Variants in IL1RAPL2 observed in about 807,000 individuals in gnomAD.
IL1RAPL2 encodes the protein X-linked interleukin-1 receptor accessory protein-like 2.
IL1RAPL2 carries 3 observed loss-of-function variants against 44.1 expected under a neutral mutation model. The observed-to-expected ratio is 0.07, with a 90% CI of 0.03 to 0.18. The LOEUF (loss-of-function observed/expected upper bound fraction) is 0.18, where lower values mean the gene tolerates loss of function less well. IL1RAPL2 is among the 10% of genes least tolerant of loss of function. The probability of loss-of-function intolerance (pLI) is 1.00; values close to 1 mark genes in which losing one functional copy is unlikely to be tolerated. For synonymous variants in IL1RAPL2, 181 were observed against 178.8 expected (o/e 1.01, Z -0.10); for missense variants, 391 against 496.4 (o/e 0.79, Z 2.02).
At chrX:105,659,647 ACT>A (rs994719136) in intron 6 of IL1RAPL2, among the ~76,000 whole-genome samples, 5 of 107,861 alleles carry the variant, frequency 4.6e-5, no homozygotes, top group African/African-American at 1.7e-4. Flanking sequence ...ACAGAGTGAG[ACT>A]CTGTCTCAAA....
At chrX:105,009,291 C>A (rs111323792) in intron 2 of IL1RAPL2, among the ~76,000 whole-genome samples, 2,764 of 110,931 alleles carry the variant, frequency 0.025, 86 homozygotes, top group African/African-American at 0.086. Flanking sequence ...TATAAAGACA[C>A]ATGCACACAT....
chrX:105,716,948 T>C (rs991598496), intron 6 of IL1RAPL2, among the ~76,000 whole-genome samples: 1 of 111,601 alleles, frequency 9.0e-6, no homozygotes, highest in Non-Finnish European at 1.9e-5. Flanking sequence ...AAATAAACAG[T>C]TTTAAAACCT....
At chrX:105,214,946 G>C (rs1348619818) in intron 3 of IL1RAPL2, among the ~76,000 whole-genome samples, 1 of 112,166 alleles carries the variant, frequency 8.9e-6, no homozygotes, top group Non-Finnish European at 1.9e-5. Context: ...AGAATCTCTG[G>C]GACACAGCTG....
chrX:104,607,633 T>A (rs1704858846), intron 1 of IL1RAPL2, among the ~76,000 whole-genome samples: 1 of 111,748 alleles, frequency 8.9e-6, no homozygotes, highest in Non-Finnish European at 1.9e-5. Context: ...TACGAAAAAA[T>A]GCTCATCATC....
chrX:105,526,544 C>T (rs1050148896), intron 6 of IL1RAPL2, among the ~76,000 whole-genome samples: 4 of 111,799 alleles, frequency 3.6e-5, no homozygotes, highest in Non-Finnish European at 7.5e-5. Flanking sequence ...CAAAGCATCA[C>T]ATTTAGAAAT....
At chrX:105,014,973 T>C (rs896277665) in intron 2 of IL1RAPL2, among the ~76,000 whole-genome samples, 1 of 111,821 alleles carries the variant, frequency 8.9e-6, no homozygotes, top group East Asian at 2.8e-4. Flanking sequence ...CTCTCTAGCA[T>C]CTGTTGTTTC....
chrX:105,169,920 ATTGAG>A (rs202130103), intron 2 of IL1RAPL2, among the ~76,000 whole-genome samples: 13,077 of 108,563 alleles, frequency 0.12, 2,048 homozygotes, highest in African/African-American at 0.42. Flanking sequence ...CCTCCTATAA[ATTGAG>A]TTGGTCCTAG....
intron 2 of IL1RAPL2, among the ~76,000 whole-genome samples, chrX:104,916,669 A>G (rs62432295): frequency 9.0e-6 from 1 of 111,371 alleles, no homozygotes; most frequent in African/African-American, 3.3e-5. Flanking sequence ...GAATGCTTCC[A>G]GTTTTTGCCC....
intron 1 of IL1RAPL2, among the ~76,000 whole-genome samples, chrX:104,575,652 G>A (rs1316956916): frequency 8.9e-6 from 1 of 111,867 alleles, no homozygotes; most frequent in Non-Finnish European, 1.9e-5. Context: ...GCCACTATCG[G>A]TACAGGGAAT....
intron 2 of IL1RAPL2, among the ~76,000 whole-genome samples, chrX:104,957,925 A>G (rs1251152189): frequency 9.0e-6 from 1 of 110,737 alleles, no homozygotes; most frequent in Non-Finnish European, 1.9e-5. Flanking sequence ...CATCTCTACT[A>G]AAAATAAAAA....
chrX:104,762,897 G>A (rs182139247), intron 2 of IL1RAPL2, among the ~76,000 whole-genome samples: 1 of 111,995 alleles, frequency 8.9e-6, no homozygotes, highest in Non-Finnish European at 1.9e-5. Context: ...CTAGGCCTCT[G>A]GGCCTGTGAT....
intron 2 of IL1RAPL2, among the ~76,000 whole-genome samples, chrX:104,766,998 T>C (rs1932567872): frequency 8.9e-6 from 1 of 111,998 alleles, no homozygotes; most frequent in African/African-American, 3.2e-5. Context: ...TTGGCAGATA[T>C]TTGGATGGAG....
intron 2 of IL1RAPL2, among the ~76,000 whole-genome samples, chrX:104,755,023 C>T (rs1932319076): frequency 9.0e-6 from 1 of 111,639 alleles, no homozygotes; most frequent in African/African-American, 3.2e-5. Context: ...AGGACACAAT[C>T]TATAGTCTCA....
At chrX:105,354,275 G>T (rs1362686488) in intron 5 of IL1RAPL2, among the ~76,000 whole-genome samples, 3 of 110,137 alleles carry the variant, frequency 2.7e-5, no homozygotes, top group South Asian at 8.0e-4. Context: ...ATGATAGACT[G>T]GATTAAGAAA....
At chrX:105,094,460 G>C (rs984966912) in intron 2 of IL1RAPL2, among the ~76,000 whole-genome samples, 1 of 110,772 alleles carries the variant, frequency 9.0e-6, no homozygotes, top group African/African-American at 3.3e-5. Context: ...TTGAGTAATA[G>C]TGGCACCACC....
At chrX:104,791,849 T>C (rs1205207978) in intron 2 of IL1RAPL2, among the ~76,000 whole-genome samples, 1 of 111,329 alleles carries the variant, frequency 9.0e-6, no homozygotes, top group Admixed American at 9.5e-5. Flanking sequence ...AAGAACCCTA[T>C]CTCTACTTTA....
intron 2 of IL1RAPL2, among the ~76,000 whole-genome samples, chrX:104,801,555 T>C (rs1932885724): frequency 9.0e-6 from 1 of 111,544 alleles, no homozygotes; most frequent in Admixed American, 9.6e-5. Context: ...TATTTGTAAA[T>C]AGGGTTGGAG....
intron 1 of IL1RAPL2, among the ~76,000 whole-genome samples, chrX:104,624,225 A>T (rs745843573): frequency 5.4e-5 from 6 of 111,831 alleles, no homozygotes. Flanking sequence ...TAGAATGAAC[A>T]TTCCTCCTAC....
intron 7 of IL1RAPL2, among the ~76,000 whole-genome samples, chrX:105,737,125 A>G (rs774797237): frequency 5.2e-4 from 58 of 111,722 alleles, no homozygotes; most frequent in Non-Finnish European, 5.3e-4. Flanking sequence ...GAACTAACAC[A>G]GGAACAGAAA....
Sources: gnomAD v4.1 joint callset for allele counts (sites outside exome capture counted in the v4.1 genomes callset) on GRCh38, gnomAD v4.1.1 for gene constraint, MANE v1.5 for transcripts, NCBI Gene and HGNC (gene_info 2026-07-23, HGNC 2026-07-21) for gene names.